Variants in PID1 observed in about 807,000 individuals in gnomAD.
PID1 encodes the protein PTB-containing, cubilin and LRP1-interacting protein.
Under a neutral mutation model 19.1 loss-of-function variants are expected in PID1, and 10 were observed. That is an observed-to-expected ratio of 0.52 (90% CI 0.32 to 0.89). PID1 has a LOEUF of 0.89. Among genes scored for constraint, PID1 ranks in the 40% least tolerant of loss-of-function variants. The pLI is 0.03. For synonymous variants in PID1, 130 were observed against 116.0 expected (o/e 1.12, Z -0.78); for missense variants, 248 against 285.3 (o/e 0.87, Z 0.94).
intron 2 of PID1, among the ~76,000 whole-genome samples, chr2:229,153,772 T>C (rs758627434): frequency 2.0e-5 from 3 of 152,176 alleles, no homozygotes; most frequent in Non-Finnish European, 2.9e-5. Context: ...CTACATTAGA[T>C]TGTTAGATTG....
chr2:229,245,022 C>T (rs906487154), intron 1 of PID1: 2 of 152,110 alleles, frequency 1.3e-5, no homozygotes, highest in Non-Finnish European at 2.9e-5. Flanking sequence ...AGATCAAAAT[C>T]GCACACACAG....
At chr2:229,171,159 C>T (rs1690705558) in intron 1 of PID1, among the ~76,000 whole-genome samples, 1 of 152,234 alleles carries the variant, frequency 6.6e-6, no homozygotes, top group African/African-American at 2.4e-5. Flanking sequence ...TGTCCATGCA[C>T]ATTTGGTTTT....
At chr2:229,050,419 G>T (rs1381296338) in intron 2 of PID1, among the ~76,000 whole-genome samples, 1 of 152,198 alleles carries the variant, frequency 6.6e-6, no homozygotes, top group Non-Finnish European at 1.5e-5. Context: ...CCCTTGTTCT[G>T]TGGTGAAACA....
chr2:229,117,396 T>C (rs1319466502), intron 2 of PID1, among the ~76,000 whole-genome samples: 1 of 152,124 alleles, frequency 6.6e-6, no homozygotes, highest in African/African-American at 2.4e-5. Context: ...TGTACCATGC[T>C]TGTATCCCCT....
Position 229,108,824 on chromosome 2 carries a change from T to C in PID1, c.177+46994A>G, listed in dbSNP as rs180740134. Among the ~76,000 whole-genome samples the C allele has an allele frequency of 1.1e-3, 174 of 152,198 alleles. 1 individual carries two copies. The highest frequency in any genetic ancestry group is 4.0e-3 in the African/African-American group (166 of 41,526). On this transcript the variant is annotated intron_variant, in intron 2 of 2. Coordinates refer to ENST00000392055, the MANE Select transcript of PID1 (RefSeq NM_001100818.2). ...GCAGCTCATCTTCTGCTACTGCTGC[T>C]GAGAAGAATAAAAAAAAGTGCCTAA...
chr2:229,038,091 A>C (rs1009800316), intron 2 of PID1, among the ~76,000 whole-genome samples: 2 of 152,212 alleles, frequency 1.3e-5, no homozygotes, highest in African/African-American at 4.8e-5. Context: ...CAAACACACA[A>C]ATCTACTGGC....
intron 2 of PID1, among the ~76,000 whole-genome samples, chr2:229,103,131 T>C (rs1010971967): frequency 6.6e-5 from 10 of 152,180 alleles, no homozygotes; most frequent in Admixed American, 4.6e-4. Context: ...ATATTTCTAT[T>C]TTTTAAAAAG....
chr2:229,043,673 C>A (rs1435843491), intron 2 of PID1, among the ~76,000 whole-genome samples: 1 of 152,188 alleles, frequency 6.6e-6, no homozygotes, highest in Admixed American at 6.5e-5. Context: ...GTCCAGGGAG[C>A]AGTCTTATTT....
intron 1 of PID1, among the ~76,000 whole-genome samples, chr2:229,269,156 C>A (rs940708589): frequency 1.3e-5 from 2 of 150,768 alleles, no homozygotes; most frequent in Admixed American, 6.6e-5. Flanking sequence ...AACAGTGACT[C>A]GGTCTTATTG....
chr2:229,086,939 T>A (rs200046313), intron 2 of PID1, among the ~76,000 whole-genome samples: 3 of 69,412 alleles, frequency 4.3e-5, no homozygotes, highest in Non-Finnish European at 1.0e-4. Context: ...ACACACACAC[T>A]GAGAAGGCAG....
intron 1 of PID1, among the ~76,000 whole-genome samples, chr2:229,247,738 C>T (rs1176445017): frequency 6.6e-6 from 1 of 152,166 alleles, no homozygotes; most frequent in Non-Finnish European, 1.5e-5. Flanking sequence ...CAGTGACCAC[C>T]ACTCCCTAAA....
chr2:229,243,924 A>C (rs1254882966), intron 1 of PID1, among the ~76,000 whole-genome samples: 1 of 152,068 alleles, frequency 6.6e-6, no homozygotes, highest in Non-Finnish European at 1.5e-5. Context: ...AGATCATCTA[A>C]GTTTTTTTAA....
chr2:229,224,888 C>A (rs1574737343), intron 1 of PID1, among the ~76,000 whole-genome samples: 2 of 151,640 alleles, frequency 1.3e-5, no homozygotes, highest in East Asian at 3.9e-4. Flanking sequence ...TGTTTTGTAG[C>A]AAGTCATTTG....
intron 2 of PID1, among the ~76,000 whole-genome samples, chr2:229,111,665 C>T (rs1464341354): frequency 2.6e-5 from 4 of 151,880 alleles, no homozygotes; most frequent in Non-Finnish European, 4.4e-5. Flanking sequence ...ATTCAGTGCC[C>T]CTGAAACAAT....
intron 2 of PID1, among the ~76,000 whole-genome samples, chr2:229,116,886 C>A (rs1023845325): frequency 1.3e-5 from 2 of 151,946 alleles, no homozygotes; most frequent in Non-Finnish European, 2.9e-5. Context: ...CTCCATATCT[C>A]TAAACACTGC....
intron 1 of PID1, among the ~76,000 whole-genome samples, chr2:229,207,117 A>G (rs1691626162): frequency 6.6e-6 from 1 of 152,100 alleles, no homozygotes; most frequent in African/African-American, 2.4e-5. Flanking sequence ...CCCTACTACT[A>G]ATATAATTAT....
chr2:229,069,937 G>T (rs921680539), intron 2 of PID1, among the ~76,000 whole-genome samples: 3 of 152,196 alleles, frequency 2.0e-5, no homozygotes, highest in Non-Finnish European at 2.9e-5. Flanking sequence ...AAGTCAAGAG[G>T]GGGGAACAAA....
At chr2:229,242,047 G>GTTTTTC (rs1419490319) in intron 1 of PID1, among the ~76,000 whole-genome samples, 79 of 149,720 alleles carry the variant, frequency 5.3e-4, no homozygotes, top group African/African-American at 1.9e-3. Flanking sequence ...TTTTGTTTTT[G>GTTTTTC]AGATGGGATC....
intron 1 of PID1, among the ~76,000 whole-genome samples, chr2:229,195,331 A>C (rs1376477302): frequency 6.6e-6 from 1 of 151,850 alleles, no homozygotes; most frequent in Non-Finnish European, 1.5e-5. Flanking sequence ...TAGATAAATG[A>C]AGTATATATA....
Sources: allele counts gnomAD v4.1 joint callset (sites outside exome capture counted in the v4.1 genomes callset), GRCh38; gene constraint gnomAD v4.1.1; transcripts MANE v1.5; gene names NCBI Gene and HGNC (gene_info 2026-07-23, HGNC 2026-07-21).